FIP1L1: variants seen among roughly 807,000 people sequenced by gnomAD.
The protein encoded by FIP1L1 is pre-mRNA 3'-end-processing factor FIP1.
A neutral mutation model predicts 84.6 loss-of-function variants in FIP1L1; 21 were observed. The ratio of observed to expected loss-of-function variants is 0.25; its 90% CI spans 0.18 to 0.36. FIP1L1 has a LOEUF of 0.36. Among genes scored for constraint, FIP1L1 ranks in the 10% least tolerant of loss-of-function variants. FIP1L1 has a pLI of 1.00. For synonymous variants in FIP1L1, 263 were observed against 242.3 expected, an observed-to-expected ratio of 1.09 and a Z score of -0.80; for missense variants, 526 against 751.1, an observed-to-expected ratio of 0.70 and a Z score of 3.50.
At chr4:53,425,755 T>C in intron 11 of FIP1L1, 117 bp from the exon 12 acceptor site, 1 of 693,924 alleles carries the variant, frequency 1.4e-6, no homozygotes, top group Non-Finnish European at 2.4e-6. Flanking sequence ...TGTATTGTGA[T>C]CTGGTTTTAT....
At chr4:53,399,994 C>T (rs535057000) in intron 10 of FIP1L1, among the ~76,000 whole-genome samples, 155 bp downstream of exon 10, 233 of 152,246 alleles carry the variant, frequency 1.5e-3, no homozygotes, top group Middle Eastern at 0.01. Context: ...CAAGAAACTT[C>T]TTGATGTTTT....
chr4:53,397,227 C>CT (rs1747860548), intron 9 of FIP1L1, among the ~76,000 whole-genome samples: 1 of 152,118 alleles, frequency 6.6e-6, no homozygotes, highest in East Asian at 1.9e-4. Context: ...CAAAGGATTC[C>CT]TTTTTGTATG....
At chr4:53,440,615 CT>C in intron 13 of FIP1L1, 1 of 1,517,480 alleles carries the variant, frequency 6.6e-7, no homozygotes, top group Non-Finnish European at 9.1e-7. Context: ...CCAGGTAAAA[CT>C]TTTTTCATGT....
At chr4:53,453,995 A>T (rs1717567214) in intron 16 of FIP1L1, among the ~76,000 whole-genome samples, 1 of 152,178 alleles carries the variant, frequency 6.6e-6, no homozygotes, top group Admixed American at 6.5e-5. Flanking sequence ...CTAATGTAAA[A>T]GTTTCATAAT....
intron 16 of FIP1L1, among the ~76,000 whole-genome samples, chr4:53,455,835 G>A (rs140832608): frequency 1.5e-3 from 223 of 150,866 alleles, no homozygotes; most frequent in African/African-American, 5.1e-3. Context: ...GAACTGATGA[G>A]GATTTACTCA....
intron 10 of FIP1L1, among the ~76,000 whole-genome samples, chr4:53,403,096 G>C (rs1578360950): frequency 1.3e-5 from 2 of 152,282 alleles, no homozygotes; most frequent in East Asian, 3.9e-4. Flanking sequence ...TAGTTTTTTG[G>C]AGTTCTGTGA....
At chr4:53,413,273 C>T (rs1757990924) in intron 10 of FIP1L1, among the ~76,000 whole-genome samples, 1 of 151,714 alleles carries the variant, frequency 6.6e-6, no homozygotes, top group Admixed American at 6.6e-5. Flanking sequence ...CACTCTGATT[C>T]CTTTTAGTGG....
chr4:53,393,608 C>T (rs1374029927), intron 9 of FIP1L1, among the ~76,000 whole-genome samples: 2 of 151,870 alleles, frequency 1.3e-5, no homozygotes, highest in Non-Finnish European at 2.9e-5. Context: ...CAATTGGGTA[C>T]AAAAACAATT....
At chr4:53,393,792 G>A (rs1426074031) in intron 9 of FIP1L1, among the ~76,000 whole-genome samples, 5 of 97,020 alleles carry the variant, frequency 5.2e-5, no homozygotes, top group Non-Finnish European at 9.8e-5. Flanking sequence ...GCCCCCGGCT[G>A]TGAATGTATG....
chr4:53,424,671 T>C (rs947675106), intron 11 of FIP1L1, among the ~76,000 whole-genome samples: 2 of 152,054 alleles, frequency 1.3e-5, no homozygotes, highest in Non-Finnish European at 2.9e-5. Context: ...ACAAAATAAT[T>C]TGTGGAGTGT....
intron 5 of FIP1L1, among the ~76,000 whole-genome samples, chr4:53,384,966 G>T (rs1299171456): frequency 1.3e-5 from 2 of 152,092 alleles, no homozygotes; most frequent in Admixed American, 1.3e-4. Context: ...ATTTCAGGAA[G>T]CTTAAAGCCA....
intron 13 of FIP1L1, among the ~76,000 whole-genome samples, chr4:53,441,955 G>A (rs2150227324): frequency 6.6e-6 from 1 of 152,026 alleles, no homozygotes; most frequent in Admixed American, 6.5e-5. Flanking sequence ...TAGCCTATCT[G>A]AATTTGAAAG....
chr4:53,452,350 A>T, intron 15 of FIP1L1, among the ~76,000 whole-genome samples: 1 of 149,098 alleles, frequency 6.7e-6, no homozygotes, highest in Non-Finnish European at 1.5e-5. Context: ...AGATAGTCTC[A>T]CTCTGTCGCC....
intron 10 of FIP1L1, among the ~76,000 whole-genome samples, chr4:53,409,203 T>C (rs1339109825): frequency 6.6e-6 from 1 of 152,208 alleles, no homozygotes; most frequent in Admixed American, 6.5e-5. Flanking sequence ...TTGTTAGTTT[T>C]CCTTCTAACA....
chr4:53,417,535 G>A (rs1438877068), intron 11 of FIP1L1, among the ~76,000 whole-genome samples: 1 of 150,812 alleles, frequency 6.6e-6, no homozygotes, highest in Non-Finnish European at 1.5e-5. Context: ...CCAGCTACTC[G>A]GGAGGCTGAG....
At chr4:53,452,563 C>A (rs1014433673) in intron 15 of FIP1L1, among the ~76,000 whole-genome samples, 3 of 152,196 alleles carry the variant, frequency 2.0e-5, no homozygotes, top group African/African-American at 7.2e-5. Flanking sequence ...AAGTTATCTG[C>A]CCGCCTTGGC....
chr4:53,458,880 T>G, intron 17 of FIP1L1, 90 bp downstream of exon 17: 1 of 1,404,136 alleles, frequency 7.1e-7, no homozygotes, highest in Non-Finnish European at 9.6e-7. Context: ...AATTTTGGCC[T>G]ATGAACCAGT....
intron 16 of FIP1L1, among the ~76,000 whole-genome samples, chr4:53,456,279 T>A (rs1210249495): frequency 6.6e-6 from 1 of 152,174 alleles, no homozygotes; most frequent in Non-Finnish European, 1.5e-5. Context: ...GGCTAAATCC[T>A]CTAATTCTTC....
intron 1 of FIP1L1, chr4:53,378,780 C>T (rs1275899196): frequency 1.4e-5 from 5 of 366,260 alleles, no homozygotes; most frequent in Non-Finnish European, 2.5e-5. Flanking sequence ...AACATATATT[C>T]TTGATTGTCT....
Sources: gnomAD v4.1 joint callset for allele counts (sites outside exome capture counted in the v4.1 genomes callset) on GRCh38, gnomAD v4.1.1 for gene constraint, MANE v1.5 for transcripts, NCBI Gene and HGNC (gene_info 2026-07-23, HGNC 2026-07-21) for gene names.